The following USH2A variants were observed in gnomAD, a reference collection of about 807,000 sequenced individuals.
The protein encoded by USH2A is usherin.
Under a neutral mutation model 538.9 loss-of-function variants are expected in USH2A, and 443 were observed. The ratio of observed to expected loss-of-function variants is 0.82; its 90% CI spans 0.76 to 0.89. USH2A has a LOEUF of 0.89. Among genes scored for constraint, USH2A ranks in the 40% least tolerant of loss-of-function variants. The pLI is 0.00. For missense variants in USH2A, 6,633 were observed against 6,324.8 expected, an observed-to-expected ratio of 1.05 and a Z score of -1.65; for synonymous variants, 2,413 against 2,273.5, an observed-to-expected ratio of 1.06 and a Z score of -1.75.
At chr1:215,788,436 C>T (rs1661864709) in intron 51 of USH2A, among the ~76,000 whole-genome samples, 1 of 152,064 alleles carries the variant, frequency 6.6e-6, no homozygotes. Context: ...TGAAGCATCA[C>T]AAGATGTAAG....
chr1:215,760,236 T>C (rs549517850), intron 56 of USH2A, among the ~76,000 whole-genome samples: 7 of 152,286 alleles, frequency 4.6e-5, no homozygotes, highest in African/African-American at 1.7e-4. Context: ...GCACTTTCCC[T>C]TCTTCTTGCA....
intron 32 of USH2A, among the ~76,000 whole-genome samples, chr1:216,010,315 T>G (rs1668528279): frequency 1.3e-5 from 2 of 152,112 alleles, no homozygotes; most frequent in African/African-American, 2.4e-5. Flanking sequence ...GCCAGGGAAT[T>G]CCTGCAGCCC....
intron 21 of USH2A, among the ~76,000 whole-genome samples, chr1:216,115,834 T>C (rs79381829): frequency 0.025 from 3,772 of 151,994 alleles, 170 homozygotes; most frequent in African/African-American, 0.084. Flanking sequence ...TTAATGACAT[T>C]GAATTATGAA....
chr1:216,071,755 G>A (rs1055473105), intron 29 of USH2A, among the ~76,000 whole-genome samples: 1 of 152,190 alleles, frequency 6.6e-6, no homozygotes, highest in Non-Finnish European at 1.5e-5. Flanking sequence ...TGTTAATAAA[G>A]TAGAAGAGTG....
chr1:216,279,079 T>C (rs899968567), intron 11 of USH2A, among the ~76,000 whole-genome samples: 3 of 152,184 alleles, frequency 2.0e-5, no homozygotes, highest in Non-Finnish European at 4.4e-5. Context: ...CTTATTAATC[T>C]ATTTTTAAAT....
At chr1:215,976,785 G>A (rs927434821) in intron 35 of USH2A, among the ~76,000 whole-genome samples, 1 of 152,082 alleles carries the variant, frequency 6.6e-6, no homozygotes, top group Non-Finnish European at 1.5e-5. Flanking sequence ...TTGTGTCTAT[G>A]TTTATCAGGA....
intron 35 of USH2A, among the ~76,000 whole-genome samples, chr1:215,983,646 A>G (rs193276002): frequency 7.8e-4 from 119 of 152,216 alleles, no homozygotes; most frequent in African/African-American, 2.8e-3. Context: ...CACACACAAA[A>G]AACACCTCTC....
Position 216,277,932 on chromosome 1 carries a change from A to T in USH2A, c.1971+11348T>A, listed in dbSNP as rs373039469. Among the ~76,000 whole-genome samples, 12 of 152,228 alleles carry T rather than the reference A, an allele frequency of 7.9e-5. 1 individual carries two copies. The highest frequency in any genetic ancestry group is 3.3e-4 in the Admixed American group (5 of 15,252). ...AAGGAGGTAGGAACAGCTGTCTTGG[A>T]GAGGTTATATGAGCAACAAATGAGC... On this transcript the variant is annotated intron_variant, in intron 11 of 71. Coordinates refer to ENST00000307340, the MANE Select transcript of USH2A (RefSeq NM_206933.4).
At chr1:216,124,405 G>T (rs2033203508) in intron 21 of USH2A, among the ~76,000 whole-genome samples, 1 of 151,004 alleles carries the variant, frequency 6.6e-6, no homozygotes, top group African/African-American at 2.4e-5. Context: ...CTGAACAAGA[G>T]AATAACTTTA....
intron 34 of USH2A, among the ~76,000 whole-genome samples, chr1:215,993,669 T>C (rs1296489311): frequency 1.3e-5 from 2 of 152,204 alleles, no homozygotes; most frequent in Non-Finnish European, 2.9e-5. Flanking sequence ...GTGTGACCAA[T>C]ATGTTTATAG....
intron 21 of USH2A, among the ~76,000 whole-genome samples, chr1:216,123,841 C>A (rs147307745): frequency 5.3e-5 from 8 of 152,252 alleles, no homozygotes; most frequent in East Asian, 3.9e-4. Flanking sequence ...AGAAAGTTTT[C>A]TTTTTCCTGC....
At chr1:216,311,832 C>A (rs533999880) in intron 9 of USH2A, among the ~76,000 whole-genome samples, 1 of 152,188 alleles carries the variant, frequency 6.6e-6, no homozygotes, top group East Asian at 1.9e-4. Context: ...ATTCCTAGTT[C>A]CTCCCTCTGG....
At chr1:215,735,550 GA>G (rs1660132228) in intron 60 of USH2A, among the ~76,000 whole-genome samples, 1 of 152,062 alleles carries the variant, frequency 6.6e-6, no homozygotes, top group Non-Finnish European at 1.5e-5. Flanking sequence ...GTCTTTACTA[GA>G]CCATATGATG....
chr1:216,183,356 C>T (rs2034529435), intron 20 of USH2A, among the ~76,000 whole-genome samples: 1 of 151,402 alleles, frequency 6.6e-6, no homozygotes, highest in South Asian at 2.1e-4. Flanking sequence ...TGAGAAGCTG[C>T]CATGTTAAAG....
rs1330680909 is a variant in USH2A, at chr1:216,422,273, A to G, written c.64T>C (p.Phe22Leu). The change falls in exon 2 of 72, where the codon TTT (phenylalanine) becomes CTT (leucine). Residue 22 changes from phenylalanine (F) to leucine (L), a missense_variant. By Grantham distance (22) the Phe-to-Leu change is conservative. Coordinates refer to ENST00000307340, the MANE Select transcript of USH2A (RefSeq NM_206933.4). Reference protein sequence around the residue: ...FLFQVIEMLIFAYFASISLTE... With the variant: ...FLFQVIEMLILAYFASISLTE... ...AAGGATATTGAAGCAAAATAGGCAA[A>G]GATCAACATTTCAATGACCTGAAAC... The G allele has an allele frequency of 6.2e-7, 1 of 1,613,680 alleles. No individual in the cohort carries two copies. The highest frequency in any genetic ancestry group is 8.5e-7 in the Non-Finnish European group (1 of 1,179,856).
intron 6 of USH2A, among the ~76,000 whole-genome samples, 197 bp downstream of exon 6, chr1:216,325,108 C>A (rs2037702758): frequency 6.6e-6 from 1 of 152,094 alleles, no homozygotes; most frequent in Non-Finnish European, 1.5e-5. Flanking sequence ...CAAGGGCCAC[C>A]AGGAGCTGCA....
chr1:215,625,811 T>A lies in USH2A; in HGVS notation c.15579A>T (p.Glu5193Asp). 6.2e-7 allele frequency: 1 copy of A among 1,614,136 alleles called. No individual in the cohort carries two copies. The highest frequency in any genetic ancestry group is 8.5e-7 in the Non-Finnish European group (1 of 1,179,988). Residue 5193 changes from glutamate (E) to aspartate (D), a missense_variant, in exon 72 of 72, where the codon GAA becomes GAT. Transcript: ENST00000307340. ...AIKDFSSVTK[E>D]RTTFTDTHL ...GGTGGGTGTCTGTGAATGTGGTGCGTTCCTTAGTCACTGAGCTGAAATCCT... is the reference window on the plus strand; with the variant it reads ...GGTGGGTGTCTGTGAATGTGGTGCGATCCTTAGTCACTGAGCTGAAATCCT...
In USH2A at chr1:216,292,319, G is replaced by T. The variant is rs767742135; in HGVS notation, c.1696C>A (p.Gln566Lys). The T allele has an allele frequency of 6.2e-6, 10 of 1,613,992 alleles. No individual in the cohort carries two copies. In the Admixed American group the frequency reaches 1.7e-4, roughly 27 times the overall value. Residue 566 changes from glutamine to lysine, a missense_variant, in exon 10 of 72, where the codon CAA (glutamine) becomes AAA (lysine). By Grantham distance (53) the Gln-to-Lys change is moderately conservative (BLOSUM62 1). Transcript: ENST00000307340. ...YNDKPFRQGDQVYAFNCKPCQ... is the reference protein window; with the variant it reads ...YNDKPFRQGDKVYAFNCKPCQ... Reference sequence around the variant, plus strand: ...GGTTTACAATTGAAAGCGTAAACTTGATCACCTTGGCGGAAAGGCTTGTCA... The same window carrying T: ...GGTTTACAATTGAAAGCGTAAACTTTATCACCTTGGCGGAAAGGCTTGTCA...
chr1:216,073,047 G>C, intron 28 of USH2A, 50 bp downstream of exon 28: 1 of 1,612,948 alleles, frequency 6.2e-7, no homozygotes, highest in African/African-American at 1.3e-5. Context: ...GAGGGAAAGG[G>C]GGATGAATAA....
Sources: gnomAD v4.1 joint callset for allele counts (sites outside exome capture counted in the v4.1 genomes callset) on GRCh38, gnomAD v4.1.1 for gene constraint, MANE v1.5 for transcripts, NCBI Gene and HGNC (gene_info 2026-07-23, HGNC 2026-07-21) for gene names.